Variants in STX18 observed in about 807,000 individuals in gnomAD.
STX18 encodes the protein syntaxin-18.
A neutral mutation model predicts 50.1 loss-of-function variants in STX18; 40 were observed. The observed-to-expected ratio is 0.80, with a 90% CI of 0.62 to 1.04. The LOEUF is 1.04. STX18 is among the 50% of genes least tolerant of loss of function. The probability of loss-of-function intolerance (pLI) is 0.00; values close to 1 mark genes in which losing one functional copy is unlikely to be tolerated. For synonymous variants in STX18, 158 were observed against 151.8 expected, an observed-to-expected ratio of 1.04 and a Z score of -0.30; for missense variants, 410 against 415.8, an observed-to-expected ratio of 0.99 and a Z score of 0.12.
At chr4:4,519,286 G>A (rs1010881183) in intron 1 of STX18, among the ~76,000 whole-genome samples, 3 of 152,128 alleles carry the variant, frequency 2.0e-5, no homozygotes, top group African/African-American at 7.2e-5. Flanking sequence ...ATCTAGGACT[G>A]AAGTTTTTAT....
intron 5 of STX18, among the ~76,000 whole-genome samples, chr4:4,449,530 T>C (rs1375711772): frequency 6.6e-6 from 1 of 152,230 alleles, no homozygotes; most frequent in Non-Finnish European, 1.5e-5. Flanking sequence ...CTGTAAGAGA[T>C]CTCTGAATTT....
chr4:4,499,424 A>G, intron 1 of STX18: 1 of 866,242 alleles, frequency 1.2e-6, no homozygotes, highest in Non-Finnish European at 1.4e-6. Flanking sequence ...TCTGAAAGCA[A>G]AGAAAACCAT....
At chr4:4,460,179 G>A (rs768476523) in intron 2 of STX18, among the ~76,000 whole-genome samples, 40 of 152,030 alleles carry the variant, frequency 2.6e-4, no homozygotes, top group East Asian at 1.2e-3. Context: ...CTCTAAAAAC[G>A]TAAGTTCCAC....
chr4:4,500,246 C>T (rs1468968502), intron 1 of STX18, among the ~76,000 whole-genome samples: 2 of 152,154 alleles, frequency 1.3e-5, no homozygotes, highest in Admixed American at 1.3e-4. Flanking sequence ...ATAATATATG[C>T]TTTTCCATTT....
rs75754108 is a variant in STX18 at position 4,447,957 on chromosome 4, C to A, written c.497+9234G>T. Among the ~76,000 whole-genome samples, 22 of 152,260 alleles carry A rather than the reference C, an allele frequency of 1.4e-4. 1 individual carries two copies. In the East Asian group the frequency reaches 4.3e-3, roughly 29 times the overall value. ...AAAGAGTATACTTGTACAATCTGTA[C>A]AAGGGACTTAGCAGGGTCTTCAGTG... On this transcript the variant is annotated intron_variant, in intron 5 of 10. Transcript: ENST00000306200.
intron 1 of STX18, among the ~76,000 whole-genome samples, chr4:4,540,689 G>A (rs1298795501): frequency 6.6e-6 from 1 of 152,176 alleles, no homozygotes; most frequent in Non-Finnish European, 1.5e-5. Flanking sequence ...CACGAGGCTG[G>A]TCAGAAGGTA....
intron 7 of STX18, among the ~76,000 whole-genome samples, chr4:4,433,961 T>C (rs1222712131): frequency 6.6e-6 from 1 of 152,242 alleles, no homozygotes; most frequent in Non-Finnish European, 1.5e-5. Flanking sequence ...AATGTTAAAA[T>C]GAGATGCTAA....
intron 1 of STX18, among the ~76,000 whole-genome samples, chr4:4,511,161 TAAAGTA>T (rs1729987117): frequency 6.6e-6 from 1 of 152,168 alleles, no homozygotes; most frequent in African/African-American, 2.4e-5. Flanking sequence ...TCCTAGAACT[TAAAGTA>T]AAATTTAAAA....
At chr4:4,466,697 G>A (rs916059485) in intron 2 of STX18, among the ~76,000 whole-genome samples, 12 of 152,184 alleles carry the variant, frequency 7.9e-5, no homozygotes, top group Admixed American at 2.6e-4. Flanking sequence ...GGAGAAGCCT[G>A]TGCCTATGAC....
chr4:4,507,264 C>G (rs959516349), intron 1 of STX18: 2 of 695,182 alleles, frequency 2.9e-6, no homozygotes, highest in Non-Finnish European at 5.5e-6. Context: ...ATAAAGAGTC[C>G]GGCATCTCCC....
chr4:4,474,202 C>T (rs1472864296), intron 1 of STX18, among the ~76,000 whole-genome samples: 3 of 152,168 alleles, frequency 2.0e-5, no homozygotes, highest in South Asian at 2.1e-4. Context: ...CCGCACAAAA[C>T]GCTACATGTG....
intron 5 of STX18, among the ~76,000 whole-genome samples, chr4:4,448,226 AACC>A (rs1176177853): frequency 6.6e-6 from 1 of 152,240 alleles, no homozygotes; most frequent in African/African-American, 2.4e-5. Flanking sequence ...AGACTCCTTA[AACC>A]ACTGGTTTAC....
At chr4:4,436,521 AC>A (rs1725784034) in intron 6 of STX18, among the ~76,000 whole-genome samples, 1 of 152,164 alleles carries the variant, frequency 6.6e-6, no homozygotes, top group African/African-American at 2.4e-5. Flanking sequence ...AGAAACAGAA[AC>A]CTTGTTCATA....
chr4:4,433,033 C>A (rs1330869191), intron 7 of STX18, among the ~76,000 whole-genome samples: 1 of 152,198 alleles, frequency 6.6e-6, no homozygotes, highest in East Asian at 1.9e-4. Flanking sequence ...CTTGCCTAGA[C>A]CACCAGAACC....
chr4:4,503,506 T>G (rs565141670), intron 1 of STX18, among the ~76,000 whole-genome samples: 1 of 152,302 alleles, frequency 6.6e-6, no homozygotes, highest in South Asian at 2.1e-4. Flanking sequence ...TTTTAAAAAT[T>G]AAATTTCAAT....
chr4:4,503,280 T>C (rs1429172983), intron 1 of STX18, among the ~76,000 whole-genome samples: 2 of 152,176 alleles, frequency 1.3e-5, no homozygotes, highest in Admixed American at 1.3e-4. Flanking sequence ...ATATTAAACC[T>C]TGTCAGATTC....
chr4:4,520,313 G>A (rs1008099662), intron 1 of STX18, among the ~76,000 whole-genome samples: 5 of 152,172 alleles, frequency 3.3e-5, no homozygotes, highest in African/African-American at 9.7e-5. Context: ...GCAGTGATTC[G>A]ATTAAATCTG....
chr4:4,501,015 C>T (rs927989982), intron 1 of STX18, among the ~76,000 whole-genome samples: 6 of 151,962 alleles, frequency 3.9e-5, no homozygotes, highest in Non-Finnish European at 5.9e-5. Flanking sequence ...CCAGCTGGGG[C>T]CAACAACAGC....
At chr4:4,519,003 A>G (rs1730401318) in intron 1 of STX18, among the ~76,000 whole-genome samples, 2 of 152,164 alleles carry the variant, frequency 1.3e-5, no homozygotes, top group African/African-American at 4.8e-5. Context: ...AGTAAATGGC[A>G]CTCCAAGTGG....
Sources: gnomAD v4.1 joint callset for allele counts (sites outside exome capture counted in the v4.1 genomes callset) on GRCh38, gnomAD v4.1.1 for gene constraint, MANE v1.5 for transcripts, NCBI Gene and HGNC (gene_info 2026-07-23, HGNC 2026-07-21) for gene names.